SVEP1: variants seen among roughly 807,000 people sequenced by gnomAD.
The protein encoded by SVEP1 is sushi, von Willebrand factor type A, EGF and pentraxin domain containing 1.
SVEP1 carries 164 observed loss-of-function variants against 367.3 expected under a neutral mutation model. The observed-to-expected ratio is 0.45, with a 90% CI of 0.39 to 0.51. The LOEUF (loss-of-function observed/expected upper bound fraction) is 0.51. Ranked by LOEUF, SVEP1 falls within the 20% of genes least tolerant of loss-of-function variation. The pLI, the probability that SVEP1 is intolerant of heterozygous loss-of-function variation, is 0.00. For synonymous variants in SVEP1, 1,666 were observed against 1,611.6 expected, an observed-to-expected ratio of 1.03 and a Z score of -0.81; for missense variants, 4,117 against 4,425.3, an observed-to-expected ratio of 0.93 and a Z score of 1.98.
At chr9:110,494,422 G>A (rs982072628) in intron 8 of SVEP1, among the ~76,000 whole-genome samples, 2 of 152,118 alleles carry the variant, frequency 1.3e-5, no homozygotes, top group African/African-American at 4.8e-5. Context: ...CTTGAAAGTG[G>A]TTTTTAATTA....
At chr9:110,555,467 G>A (rs950784655) in intron 1 of SVEP1, among the ~76,000 whole-genome samples, 12 of 152,168 alleles carry the variant, frequency 7.9e-5, no homozygotes, top group African/African-American at 2.4e-4. Context: ...AATTATGTGC[G>A]CCTTTATTGT....
At chr9:110,537,252 A>G (rs1830090387) in intron 3 of SVEP1, among the ~76,000 whole-genome samples, 1 of 152,018 alleles carries the variant, frequency 6.6e-6, no homozygotes, top group Non-Finnish European at 1.5e-5. Flanking sequence ...CATAAAAGTG[A>G]AAAAAGGAAA....
chr9:110,426,943 T>G (rs1017030905), intron 36 of SVEP1, among the ~76,000 whole-genome samples: 2 of 152,212 alleles, frequency 1.3e-5, no homozygotes, highest in Non-Finnish European at 1.5e-5. Flanking sequence ...TGTTATGACT[T>G]AAGTCTTGCC....
chr9:110,409,187 G>GC (rs1421288616), intron 37 of SVEP1, among the ~76,000 whole-genome samples: 1 of 152,126 alleles, frequency 6.6e-6, no homozygotes, highest in Non-Finnish European at 1.5e-5. Context: ...TACAATCCCA[G>GC]CACTTTGGGA....
At position 110,472,334 on chromosome 9, in the gene SVEP1, G is replaced by C. The variant is rs764695634; in HGVS notation, c.2600-11C>G. 1 of 1,551,782 alleles carries C rather than the reference G, an allele frequency of 6.4e-7. No homozygotes were observed. The highest frequency in any genetic ancestry group is 2.2e-5 in the Admixed American group (1 of 46,226). On this transcript the variant is annotated splice_polypyrimidine_tract_variant and intron_variant, in intron 14 of 47. Transcript: ENST00000374469. ...CCCAGCCACCTGGTCCTGGATAGTC[G>C]GGGCAGAGACACAAATGATCACACA... is the stretch of plus-strand genomic sequence containing the variant.
rs375523694 is a variant in SVEP1 at position 110,503,026 on chromosome 9, C to A, written c.1483+12G>T. 2.5e-4 allele frequency: 402 copies of A among 1,606,958 alleles called. 1 individual carries two copies. The South Asian group carries it at 2.7e-3, about 11-fold the overall frequency. ...TGAATCACTCAAGGCATTACACCTT[C>A]TAGAAACTTACCCACACACCGGGGT... On this transcript the variant is annotated intron_variant, in intron 6 of 47. Coordinates refer to ENST00000374469, the MANE Select transcript of SVEP1 (RefSeq NM_153366.4).
chr9:110,415,401 G>A (rs778396926), intron 36 of SVEP1, among the ~76,000 whole-genome samples: 15 of 152,076 alleles, frequency 9.9e-5, no homozygotes, highest in Non-Finnish European at 1.6e-4. Flanking sequence ...CTTACATTGT[G>A]TGCAGGGCAA....
At chr9:110,453,591 G>A (rs1367008783) in intron 22 of SVEP1, among the ~76,000 whole-genome samples, 2 of 151,716 alleles carry the variant, frequency 1.3e-5, no homozygotes, top group East Asian at 1.9e-4. Context: ...TCTGGCCAGG[G>A]GCGGGGTGGC....
At chr9:110,465,453 C>T (rs1828920737) in intron 18 of SVEP1, among the ~76,000 whole-genome samples, 1 of 152,126 alleles carries the variant, frequency 6.6e-6, no homozygotes, top group Admixed American at 6.5e-5. Flanking sequence ...TCACGAAAAC[C>T]TTCAACTCGT....
chr9:110,434,666 T>TAAAAAAAAAAAAAAAAAAAAA lies in SVEP1; in HGVS notation c.4889-161_4889-160insTTTTTTTTTTTTTTTTTTTTT, dbSNP rs71371668. ...CCAGATCACTGGCAAGCAAAATCAC[T>TAAAAAAAAAAAAAAAAAAAAA]AAAAAAAAAAAAAAAAAAAAGCATT... is the stretch of plus-strand genomic sequence containing the variant. On this transcript the variant is annotated intron_variant, in intron 29 of 47. Coordinates refer to ENST00000374469, the MANE Select transcript of SVEP1 (RefSeq NM_153366.4). 9.8e-4 allele frequency among the ~76,000 whole-genome samples: 40 copies of TAAAAAAAAAAAAAAAAAAAAA among 40,616 alleles called. 10 individuals are homozygous for TAAAAAAAAAAAAAAAAAAAAA. The highest frequency in any genetic ancestry group is 1.3e-3 in the Non-Finnish European group (30 of 23,966). The allele number at this position is 40,616 out of a possible 152,430, so 26.6% of individuals were successfully genotyped here.
chr9:110,565,811 T>G lies in SVEP1; in HGVS notation c.531+13202A>C, dbSNP rs190673169. ...TCTGCCTCCTGACTTTGCAATGAAC[T>G]TCACTGGTGAGTATGTATCAGTGTG... On this transcript the variant is annotated intron_variant, in intron 1 of 47. Coordinates refer to ENST00000374469, the MANE Select transcript of SVEP1 (RefSeq NM_153366.4). 3.8e-3 allele frequency among the ~76,000 whole-genome samples: 583 copies of G among 151,534 alleles called. 9 individuals are homozygous for G. Among genetic ancestry groups the G allele is most frequent in the South Asian group, 0.015 (71 of 4,784 alleles).
chr9:110,563,432 A>G (rs1231449904), intron 1 of SVEP1, among the ~76,000 whole-genome samples: 1 of 152,226 alleles, frequency 6.6e-6, no homozygotes, highest in African/African-American at 2.4e-5. Flanking sequence ...AAATTATTTT[A>G]GAGAAACATG....
intron 36 of SVEP1, among the ~76,000 whole-genome samples, chr9:110,427,200 A>C (rs1828266626): frequency 6.7e-6 from 1 of 148,382 alleles, no homozygotes; most frequent in Non-Finnish European, 1.5e-5. Flanking sequence ...TGGGAGGCTG[A>C]GGCATGAGAA....
chr9:110,443,554 G>A lies in SVEP1; in HGVS notation c.4630C>T (p.Pro1544Ser), dbSNP rs1026784431. The A allele has an allele frequency of 1.2e-6, 2 of 1,605,236 alleles. No homozygotes were observed. The highest frequency in any genetic ancestry group is 1.7e-6 in the Non-Finnish European group (2 of 1,175,834). ...TTTTGTTAAAACATACCAGGTATGG[G>A]CAAACCAACAGAGAGGCCAGCACCA... ...DGGAGLSVGLPIPGGGALVLG... is the reference protein window; with the variant it reads ...DGGAGLSVGLSIPGGGALVLG... Residue 1544 changes from proline (P) to serine (S), a missense_variant, in exon 27 of 48, where the codon CCC (proline) becomes TCC (serine). By Grantham distance (74) the Pro-to-Ser change is moderately conservative. This residue lies in a region of SVEP1 where 2,174 missense variants were observed against 2,494.3 expected (regional missense o/e 0.87). Coordinates refer to ENST00000374469, the MANE Select transcript of SVEP1 (RefSeq NM_153366.4).
chr9:110,573,402 T>TA (rs5899905), intron 1 of SVEP1, among the ~76,000 whole-genome samples: 47,376 of 151,994 alleles, frequency 0.31, 8,793 homozygotes, highest in East Asian at 0.57. Flanking sequence ...GAATATCTAC[T>TA]AGTGTGGACA....
rs758929245 is a variant in SVEP1, at chr9:110,377,348, C to T, written c.10427G>A (p.Cys3476Tyr). ...PICRAVCRFP[C>Y]QNGGICQRPN... is the part of the protein sequence containing the mutation. ...GCGTTGGCAGATGCCCCCATTCTGACATGGAAATCGACAGACAGCTGGAAA... is the reference window on the plus strand; with the variant it reads ...GCGTTGGCAGATGCCCCCATTCTGATATGGAAATCGACAGACAGCTGGAAA... Residue 3476 changes from cysteine (C) to tyrosine (Y), a missense_variant, in exon 45 of 48, where the codon TGT (cysteine) becomes TAT (tyrosine). Cys to Tyr is a radical substitution (Grantham distance 194, BLOSUM62 -2). Coordinates refer to ENST00000374469, the MANE Select transcript of SVEP1 (RefSeq NM_153366.4). The T allele has an allele frequency of 6.2e-7, 1 of 1,613,702 alleles. No individual in the cohort carries two copies. Among genetic ancestry groups the T allele is most frequent in the Non-Finnish European group, 8.5e-7 (1 of 1,179,716 alleles).
At chr9:110,402,464 A>T (rs1266758030) in intron 39 of SVEP1, among the ~76,000 whole-genome samples, 1 of 152,186 alleles carries the variant, frequency 6.6e-6, no homozygotes, top group African/African-American at 2.4e-5. Flanking sequence ...CACAGTTTAC[A>T]CCTTAAAAAG....
intron 43 of SVEP1, among the ~76,000 whole-genome samples, 185 bp downstream of exon 43, chr9:110,385,713 T>C (rs1827510998): frequency 6.6e-6 from 1 of 152,098 alleles, no homozygotes; most frequent in African/African-American, 2.4e-5. Context: ...CTGGAAAGCT[T>C]TTTTTAAAAT....
At chr9:110,529,148 G>A (rs1829983995) in intron 3 of SVEP1, among the ~76,000 whole-genome samples, 1 of 151,956 alleles carries the variant, frequency 6.6e-6, no homozygotes, top group Non-Finnish European at 1.5e-5. Context: ...TCCCCAGTGT[G>A]TATATTTTTG....
Sources: allele counts gnomAD v4.1 joint callset (sites outside exome capture counted in the v4.1 genomes callset), GRCh38; gene constraint gnomAD v4.1.1; regional missense constraint gnomAD v4.1.1; transcripts MANE v1.5; gene names NCBI Gene and HGNC (gene_info 2026-07-23, HGNC 2026-07-21).